POC1B: variants seen among roughly 807,000 people sequenced by gnomAD.
POC1B encodes POC1 centriolar protein homolog B.
Under a neutral mutation model 60.6 loss-of-function variants are expected in POC1B, and 44 were observed. The ratio of observed to expected loss-of-function variants is 0.73; its 90% CI spans 0.57 to 0.93. POC1B has a LOEUF of 0.93. Ranked by LOEUF, POC1B falls within the 40% of genes least tolerant of loss-of-function variation. POC1B has a pLI of 0.00. For missense variants in POC1B, 555 were observed against 572.3 expected, an observed-to-expected ratio of 0.97 and a Z score of 0.31; for synonymous variants, 180 against 198.9, an observed-to-expected ratio of 0.90 and a Z score of 0.80.
At chr12:89,503,988 G>T (rs1039932519) in intron 2 of POC1B, among the ~76,000 whole-genome samples, 2 of 144,104 alleles carry the variant, frequency 1.4e-5, no homozygotes, top group Non-Finnish European at 1.5e-5. Flanking sequence ...GGAGGGAGGT[G>T]GGGGGCGCCT....
chr12:89,439,984 A>C (rs963555094), intron 10 of POC1B, among the ~76,000 whole-genome samples: 18 of 152,106 alleles, frequency 1.2e-4, no homozygotes. Flanking sequence ...TACTGCCTTC[A>C]ATTCATACTT....
At chr12:89,414,136 G>A in the POC1B span, among the ~76,000 whole-genome samples, 5 of 151,902 alleles carry the variant, frequency 3.3e-5, no homozygotes, top group African/African-American at 7.3e-5. Flanking sequence ...CAAGTGATCC[G>A]CCCACCTCGG....
rs1374548921 is a variant in POC1B, at chr12:89,466,750, A to G, written c.1032+20T>C. ...CAAAATGTACACAAAATGTAGGACA[A>G]ATATGAACAAAATACTCACTTCTAC... On this transcript the variant is annotated intron_variant, in intron 9 of 11. Transcript: ENST00000313546. The G allele has an allele frequency of 1.9e-6, 3 of 1,595,418 alleles. No individual in the cohort carries two copies. Among genetic ancestry groups the G allele is most frequent in the Non-Finnish European group, 2.6e-6 (3 of 1,169,162 alleles).
intron 10 of POC1B, chr12:89,426,451 A>G (rs1248982503): frequency 6.6e-6 from 1 of 152,254 alleles, no homozygotes; most frequent in Non-Finnish European, 1.5e-5. Flanking sequence ...CCATATGGCA[A>G]TGAACAATCC....
intron 2 of POC1B, among the ~76,000 whole-genome samples, chr12:89,514,709 C>G (rs1374671333): frequency 6.6e-6 from 1 of 152,032 alleles, no homozygotes; most frequent in Non-Finnish European, 1.5e-5. Flanking sequence ...CGCCCGGCCT[C>G]AGGTATTTCT....
chr12:89,441,236 C>T (rs576533446), intron 10 of POC1B, among the ~76,000 whole-genome samples: 9 of 152,344 alleles, frequency 5.9e-5, no homozygotes, highest in South Asian at 2.1e-4. Flanking sequence ...CAGACTTAAA[C>T]GTCCCTGTCT....
intron 4 of POC1B, among the ~76,000 whole-genome samples, chr12:89,482,196 A>C (rs1868386518): frequency 1.3e-5 from 2 of 152,218 alleles, no homozygotes; most frequent in Admixed American, 1.3e-4. Flanking sequence ...CCAATGGAGA[A>C]TCTCACCAGA....
rs768855674 is a variant in POC1B at position 89,497,264 on chromosome 12, T to C, written c.179A>G (p.Lys60Arg). ...HARAYRYVGHKDVVTSVQFSP... is the reference protein window; with the variant it reads ...HARAYRYVGHRDVVTSVQFSP... ...AAACTGCACGCTGGTTACAACATCC[T>C]TGTGACCCACATATCTGTAAGCTCT... is the stretch of plus-strand genomic sequence containing the variant. The change falls in exon 3 of 12, where the codon AAG becomes AGG. Residue 60 changes from lysine to arginine, a missense_variant. Transcript: ENST00000313546. 28 of 1,613,576 alleles carry C rather than the reference T, an allele frequency of 1.7e-5. No homozygotes were observed. The highest frequency in any genetic ancestry group is 2.3e-5 in the Non-Finnish European group (27 of 1,180,022).
At chr12:89,463,021 T>C (rs1330731791) in intron 9 of POC1B, among the ~76,000 whole-genome samples, 2 of 152,176 alleles carry the variant, frequency 1.3e-5, no homozygotes, top group Admixed American at 1.3e-4. Flanking sequence ...TATTAGAAGA[T>C]TGAGATAAAA....
At chr12:89,428,747 G>A (rs112117617) in intron 10 of POC1B, 9,987 of 152,116 alleles carry the variant, frequency 0.066, 795 homozygotes, top group East Asian at 0.26. Flanking sequence ...CAGTAGAGAC[G>A]GGGTTTCACC....
At chr12:89,505,783 G>A (rs1032791865) in intron 2 of POC1B, among the ~76,000 whole-genome samples, 1 of 152,248 alleles carries the variant, frequency 6.6e-6, no homozygotes, top group Non-Finnish European at 1.5e-5. Flanking sequence ...GTTGTGTGGA[G>A]AAGCTACAAG....
intron 2 of POC1B, among the ~76,000 whole-genome samples, chr12:89,515,307 T>A (rs765600947): frequency 1.2e-4 from 19 of 152,150 alleles, no homozygotes; most frequent in Non-Finnish European, 2.4e-4. Context: ...TTATTTTTAT[T>A]AATTTTTTGA....
chr12:89,459,240 C>T (rs1486252278), intron 10 of POC1B, among the ~76,000 whole-genome samples: 1 of 151,680 alleles, frequency 6.6e-6, no homozygotes, highest in Non-Finnish European at 1.5e-5. Context: ...AGGGGAACAT[C>T]ACACACCAGG....
chr12:89,439,421 A>G (rs1209599528), intron 10 of POC1B, among the ~76,000 whole-genome samples: 3 of 152,100 alleles, frequency 2.0e-5, no homozygotes, highest in Non-Finnish European at 4.4e-5. Flanking sequence ...GATGCTTCAG[A>G]TCAGCACTTC....
intron 10 of POC1B, among the ~76,000 whole-genome samples, chr12:89,456,572 TAA>T (rs773405371): frequency 1.3e-5 from 2 of 152,112 alleles, no homozygotes; most frequent in Non-Finnish European, 2.9e-5. Context: ...ATAAAAAGAA[TAA>T]AGAGTAAGGA....
intron 11 of POC1B, among the ~76,000 whole-genome samples, chr12:89,424,826 T>C (rs543246687): frequency 1.3e-5 from 2 of 152,286 alleles, no homozygotes; most frequent in South Asian, 4.1e-4. Context: ...TACTGGACAG[T>C]GAGAACATTT....
rs560865360 is a variant in POC1B at position 89,494,108 on chromosome 12, G to A, written c.273-1993C>T. Among the ~76,000 whole-genome samples the A allele has an allele frequency of 7.2e-5, 11 of 152,154 alleles. No individual in the cohort carries two copies. The South Asian group carries it at 2.1e-3, about 29-fold the overall frequency. On this transcript the variant is annotated intron_variant, in intron 3 of 11. Coordinates refer to ENST00000313546, the MANE Select transcript of POC1B (RefSeq NM_172240.3). ...GATGCTAGAATACAGTGGTGCAATCGCTACTCACTGCAGCTCAAACTCCTG... is the reference window on the plus strand; with the variant it reads ...GATGCTAGAATACAGTGGTGCAATCACTACTCACTGCAGCTCAAACTCCTG...
Position 89,420,749 on chromosome 12 carries a change from G to C in POC1B, c.*404C>G, listed in dbSNP as rs1489167555. ...ATATAGGATGCTATTTTGGAGGTAA[G>C]TGAATTATTTCACCCCATGACTGTC... On this transcript the variant is annotated 3_prime_UTR_variant, in exon 12 of 12. Transcript: ENST00000313546. The C allele has an allele frequency of 1.3e-5, 2 of 158,802 alleles. No homozygotes were observed. Among genetic ancestry groups the C allele is most frequent in the East Asian group, 1.8e-4 (1 of 5,496 alleles). 9.8% of individuals were successfully genotyped at this position (158,802 alleles called of 1,614,324 possible).
chr12:89,436,533 G>A (rs1881273902), intron 10 of POC1B, among the ~76,000 whole-genome samples: 1 of 152,038 alleles, frequency 6.6e-6, no homozygotes, highest in African/African-American at 2.4e-5. Flanking sequence ...GGCCAACATG[G>A]CAAAACCCCA....
Sources: gnomAD v4.1 joint callset for allele counts (sites outside exome capture counted in the v4.1 genomes callset) on GRCh38, gnomAD v4.1.1 for gene constraint, MANE v1.5 for transcripts, NCBI Gene and HGNC (gene_info 2026-07-23, HGNC 2026-07-21) for gene names.